Variants in CYRIB observed in about 807,000 individuals in gnomAD.
The protein encoded by CYRIB is CYFIP related Rac1 interactor B, also known as CYFIP-related Rac1 interactor B.
A neutral mutation model predicts 44.2 loss-of-function variants in CYRIB; 8 were observed. The observed-to-expected ratio is 0.18, with a 90% CI of 0.11 to 0.33. CYRIB has a LOEUF of 0.33. CYRIB is among the 10% of genes least tolerant of loss of function. The probability of loss-of-function intolerance (pLI) is 1.00; values close to 1 mark genes in which losing one functional copy is unlikely to be tolerated. For missense variants in CYRIB, 185 were observed against 382.8 expected (o/e 0.48, Z 4.31); for synonymous variants, 131 against 127.2 (o/e 1.03, Z -0.20).
At position 129,894,060 on chromosome 8, in the gene CYRIB, G is replaced by GTTTA. The variant is rs530473075; in HGVS notation, c.-11+9248_-11+9251dup. On this transcript the variant is annotated intron_variant, in intron 2 of 11. Transcript: ENST00000519824. ...ACTATTGGATTATTCAAAGAAACCA[G>GTTTA]TTTATTCATTCCTCTACTGATTGAC... Among the ~76,000 whole-genome samples, 70 of 152,244 alleles carry GTTTA rather than the reference G, an allele frequency of 4.6e-4. No homozygotes were observed. The South Asian group carries it at 0.01, about 22-fold the overall frequency.
At chr8:129,958,812 T>C (rs1367373241) in intron 2 of CYRIB, among the ~76,000 whole-genome samples, 3 of 148,484 alleles carry the variant, frequency 2.0e-5, no homozygotes, top group Non-Finnish European at 4.5e-5. Context: ...ACGCCTGTAA[T>C]CCCAACACTT....
At chr8:129,978,639 T>C (rs559244363) in intron 1 of CYRIB, among the ~76,000 whole-genome samples, 19 of 152,340 alleles carry the variant, frequency 1.2e-4, no homozygotes, top group Non-Finnish European at 2.5e-4. Context: ...CCAGGTTCTC[T>C]ACCACTCCAT....
intron 1 of CYRIB, among the ~76,000 whole-genome samples, chr8:129,987,568 C>CTTTTTTTTTTTTTTTTTTTTTTT (rs34876735): frequency 1.6e-5 from 2 of 127,026 alleles, no homozygotes; most frequent in Non-Finnish European, 3.2e-5. Context: ...TTTTTTTTTT[C>CTTTTTTTTTTTTTTTTTTTTTTT]TTTTTTTTTT....
intron 3 of CYRIB, among the ~76,000 whole-genome samples, chr8:129,877,779 C>T (rs2059632590): frequency 6.6e-6 from 1 of 151,184 alleles, no homozygotes; most frequent in African/African-American, 2.4e-5. Context: ...TTCATGCTTC[C>T]CACTTGACCA....
rs144052419 is a variant in CYRIB at position 129,882,924 on chromosome 8, G to A, written c.-10-3453C>T. Reference sequence around the variant, plus strand: ...TTGAAAATGGCTCAGTTGGCTGGGCGCAGTGGCTCACGCTTGTAATCCCAG... The same window carrying A: ...TTGAAAATGGCTCAGTTGGCTGGGCACAGTGGCTCACGCTTGTAATCCCAG... On this transcript the variant is annotated intron_variant, in intron 2 of 11. Coordinates refer to ENST00000519824, the Ensembl canonical transcript of CYRIB. Among the ~76,000 whole-genome samples the A allele has an allele frequency of 5.9e-5, 9 of 151,764 alleles. No individual in the cohort carries two copies. The East Asian group carries it at 1.2e-3, about 20-fold the overall frequency.
intron 2 of CYRIB, among the ~76,000 whole-genome samples, chr8:129,945,421 C>T (rs1668698855): frequency 6.6e-6 from 1 of 151,878 alleles, no homozygotes; most frequent in African/African-American, 2.4e-5. Context: ...GTTTCCCCCA[C>T]AAGTTTGTTA....
upstream of CYRIB, among the ~76,000 whole-genome samples, chr8:129,941,729 T>C (rs2093721601): frequency 1.3e-5 from 2 of 152,166 alleles, no homozygotes; most frequent in Admixed American, 6.5e-5. Flanking sequence ...AGTTCATACA[T>C]GTGCAAAGTC....
At chr8:129,866,860 T>A (rs932258144) in intron 4 of CYRIB, among the ~76,000 whole-genome samples, 1 of 152,338 alleles carries the variant, frequency 6.6e-6, no homozygotes, top group East Asian at 1.9e-4. Flanking sequence ...TACTTCTAAT[T>A]CCTTGTCCTC....
chr8:129,885,730 C>T (rs1423036075), intron 2 of CYRIB, among the ~76,000 whole-genome samples: 1 of 152,082 alleles, frequency 6.6e-6, no homozygotes, highest in Non-Finnish European at 1.5e-5. Context: ...AACATATGAC[C>T]ACCAACCTGA....
At chr8:129,999,713 G>C (rs551604930) in intron 1 of CYRIB, among the ~76,000 whole-genome samples, 1 of 152,162 alleles carries the variant, frequency 6.6e-6, no homozygotes, top group African/African-American at 2.4e-5. Flanking sequence ...CTGAAGCCTC[G>C]ACCTCCCGGT....
At chr8:129,915,431 T>C (rs2136618099) in intron 1 of CYRIB, among the ~76,000 whole-genome samples, 1 of 152,178 alleles carries the variant, frequency 6.6e-6, no homozygotes, top group Admixed American at 6.5e-5. Context: ...ATTCTAGGAG[T>C]TAAGTCTGGG....
At chr8:130,007,707 C>T (rs2070383891) in intron 1 of CYRIB, among the ~76,000 whole-genome samples, 1 of 152,180 alleles carries the variant, frequency 6.6e-6, no homozygotes, top group African/African-American at 2.4e-5. Flanking sequence ...TTGCTTGAAC[C>T]TGGGAGACGG....
At chr8:129,884,571 A>C (rs2062011734) in intron 2 of CYRIB, among the ~76,000 whole-genome samples, 1 of 152,230 alleles carries the variant, frequency 6.6e-6, no homozygotes, top group African/African-American at 2.4e-5. Flanking sequence ...TACAGGCGTG[A>C]GCCACCAGGC....
chr8:129,919,368 A>G (rs532237770), intron 1 of CYRIB, among the ~76,000 whole-genome samples: 3 of 152,330 alleles, frequency 2.0e-5, no homozygotes, highest in South Asian at 4.1e-4. Context: ...AAACTCAACA[A>G]AGATCAGTTA....
intron 1 of CYRIB, among the ~76,000 whole-genome samples, chr8:129,987,338 T>TTAA (rs779920807): frequency 2.2e-4 from 33 of 152,118 alleles, no homozygotes; most frequent in Non-Finnish European, 4.6e-4. Context: ...TGACACAATG[T>TTAA]TCTGCGGGTT....
chr8:129,915,912 A>T (rs779324766), intron 1 of CYRIB, among the ~76,000 whole-genome samples: 25 of 152,206 alleles, frequency 1.6e-4, no homozygotes, highest in Non-Finnish European at 3.4e-4. Flanking sequence ...ATCTTATTAC[A>T]TTCGTATTTA....
At chr8:129,940,842 G>A (rs576728960), upstream of CYRIB, among the ~76,000 whole-genome samples, 1 of 152,192 alleles carries the variant, frequency 6.6e-6, no homozygotes, top group South Asian at 2.1e-4. Flanking sequence ...TTTCCCCCCG[G>A]GAAAATACAG....
At chr8:129,896,091 A>G (rs1267220624) in intron 2 of CYRIB, among the ~76,000 whole-genome samples, 1 of 152,216 alleles carries the variant, frequency 6.6e-6, no homozygotes, top group Non-Finnish European at 1.5e-5. Context: ...GTTCTTCCAA[A>G]CATCTAAGAA....
At chr8:130,002,299 A>T (rs79067017) in intron 1 of CYRIB, among the ~76,000 whole-genome samples, 4,271 of 152,156 alleles carry the variant, frequency 0.028, 170 homozygotes, top group African/African-American at 0.095. Context: ...CATCTCTACA[A>T]ATAATTAAAA....
Sources: allele counts gnomAD v4.1 joint callset (sites outside exome capture counted in the v4.1 genomes callset), GRCh38; gene constraint gnomAD v4.1.1; transcripts MANE v1.5; gene names NCBI Gene and HGNC (gene_info 2026-07-23, HGNC 2026-07-21).